Variants in MIGA1 observed in about 807,000 individuals in gnomAD.
The protein encoded by MIGA1 is mitoguardin 1.
Under a neutral mutation model 82.0 loss-of-function variants are expected in MIGA1, and 58 were observed. The ratio of observed to expected loss-of-function variants is 0.71; its 90% CI spans 0.57 to 0.88. MIGA1 has a LOEUF of 0.88. MIGA1 is among the 40% of genes least tolerant of loss of function. MIGA1 has a pLI of 0.00. For missense variants in MIGA1, 751 were observed against 749.1 expected, an observed-to-expected ratio of 1.00 and a Z score of -0.03; for synonymous variants, 249 against 253.6, an observed-to-expected ratio of 0.98 and a Z score of 0.17.
chr1:77,829,501 T>A (rs1684154302), intron 7 of MIGA1, among the ~76,000 whole-genome samples: 1 of 151,984 alleles, frequency 6.6e-6, no homozygotes, highest in South Asian at 2.1e-4. Context: ...CAGAGTCTCG[T>A]TCTGTCACCT....
intron 7 of MIGA1, among the ~76,000 whole-genome samples, chr1:77,818,522 A>T (rs1683667379): frequency 6.6e-6 from 1 of 152,170 alleles, no homozygotes. Flanking sequence ...ACATGGTAAC[A>T]AACAATAGTG....
chr1:77,787,252 G>A (rs1682203746), intron 2 of MIGA1, among the ~76,000 whole-genome samples: 1 of 152,178 alleles, frequency 6.6e-6, no homozygotes, highest in Middle Eastern at 3.2e-3. Flanking sequence ...TGGGGACACA[G>A]CCAAACCATA....
intron 7 of MIGA1, among the ~76,000 whole-genome samples, chr1:77,830,191 C>A (rs1020964004): frequency 4.6e-5 from 7 of 152,064 alleles, no homozygotes; most frequent in Non-Finnish European, 1.0e-4. Context: ...CAGCTGTAGG[C>A]AAATTTACAT....
intron 7 of MIGA1, among the ~76,000 whole-genome samples, chr1:77,829,221 A>G (rs1301809996): frequency 1.3e-5 from 2 of 152,056 alleles, no homozygotes; most frequent in Non-Finnish European, 2.9e-5. Context: ...AGAGTTTGAG[A>G]CCAGCCTGGG....
intron 15 of MIGA1, among the ~76,000 whole-genome samples, chr1:77,873,721 A>G (rs555087176): frequency 1.3e-5 from 2 of 152,356 alleles, no homozygotes; most frequent in East Asian, 3.9e-4. Context: ...GCTGCATTTC[A>G]AGGAGCAAAT....
chr1:77,812,934 G>A (rs1285331161), intron 5 of MIGA1, among the ~76,000 whole-genome samples: 1 of 152,102 alleles, frequency 6.6e-6, no homozygotes, highest in Non-Finnish European at 1.5e-5. Flanking sequence ...GACAAAAGGT[G>A]GAAAAGGCTT....
rs905839477 is a variant in MIGA1, at chr1:77,780,890, T to A, written c.81+1154T>A. On this transcript the variant is annotated intron_variant, in intron 1 of 15. Coordinates refer to ENST00000370791, the MANE Select transcript of MIGA1 (RefSeq NM_198549.4). ...AGAATGCAAAAATAGAGGTTTGTCA[T>A]AATATTTTTTCTTTTTTCTTTTTTT... Among the ~76,000 whole-genome samples the A allele has an allele frequency of 2.6e-5, 4 of 151,342 alleles. No homozygotes were observed. In the Admixed American group the frequency reaches 2.6e-4, roughly 10 times the overall value.
At chr1:77,801,728 T>C (rs1682892480) in intron 3 of MIGA1, among the ~76,000 whole-genome samples, 1 of 152,166 alleles carries the variant, frequency 6.6e-6, no homozygotes, top group Admixed American at 6.5e-5. Flanking sequence ...TGATAATACT[T>C]TCATGTATAT....
chr1:77,794,825 C>A (rs1438129551), intron 2 of MIGA1, among the ~76,000 whole-genome samples: 2 of 152,072 alleles, frequency 1.3e-5, no homozygotes, highest in Non-Finnish European at 2.9e-5. Context: ...ACACACACAC[C>A]CCTTGATCAT....
At position 77,869,954 on chromosome 1, in the gene MIGA1, G is replaced by T. The variant is rs61778861; in HGVS notation, c.1564-3050G>T. Among the ~76,000 whole-genome samples the T allele has an allele frequency of 5.2e-5, 7 of 134,216 alleles. No homozygotes were observed. The East Asian group carries it at 7.2e-4, about 14-fold the overall frequency. 88.1% of individuals were successfully genotyped at this position (134,216 alleles called of 152,430 possible). On this transcript the variant is annotated intron_variant, in intron 14 of 15. Coordinates refer to ENST00000370791, the MANE Select transcript of MIGA1 (RefSeq NM_198549.4). ...TCCCTCCCGGACGGGGCGGCTGGCC[G>T]GGCGGGGGGCTGACCCCCCCACCTC...
intron 5 of MIGA1, among the ~76,000 whole-genome samples, chr1:77,808,063 A>T (rs1242087917): frequency 1.4e-5 from 2 of 147,836 alleles, no homozygotes; most frequent in African/African-American, 2.5e-5. Context: ...CAGTTGATTT[A>T]CCCGCCTCGG....
At chr1:77,813,647 A>G (rs749240230) in intron 5 of MIGA1, 87 bp from the exon 6 acceptor site, 9 of 1,382,456 alleles carry the variant, frequency 6.5e-6, no homozygotes, top group Non-Finnish European at 9.1e-6. Flanking sequence ...GACATCAGTG[A>G]TAATGTATGA....
chr1:77,844,732 C>A (rs1243461522), intron 8 of MIGA1, among the ~76,000 whole-genome samples: 2 of 152,166 alleles, frequency 1.3e-5, no homozygotes, highest in Non-Finnish European at 2.9e-5. Context: ...TATCCCAGAA[C>A]TTTGGGAGGC....
intron 8 of MIGA1, chr1:77,848,039 C>T: frequency 1.6e-6 from 2 of 1,286,616 alleles, no homozygotes; most frequent in East Asian, 4.6e-5. Flanking sequence ...GTGCCAGACA[C>T]CACACGAAAG....
At chr1:77,802,206 TTAA>T (rs1682913873) in intron 3 of MIGA1, among the ~76,000 whole-genome samples, 1 of 152,214 alleles carries the variant, frequency 6.6e-6, no homozygotes, top group South Asian at 2.1e-4. Context: ...CAGCATACAA[TTAA>T]TGAGTGACTA....
At chr1:77,791,777 T>C (rs1272564015) in intron 2 of MIGA1, among the ~76,000 whole-genome samples, 1 of 151,968 alleles carries the variant, frequency 6.6e-6, no homozygotes, top group Non-Finnish European at 1.5e-5. Flanking sequence ...TTGGCCAGGC[T>C]GGTCTTGAAC....
At chr1:77,838,325 CTTATTTATTTAT>C (rs376304871) in intron 7 of MIGA1, among the ~76,000 whole-genome samples, 1 of 151,498 alleles carries the variant, frequency 6.6e-6, no homozygotes, top group Non-Finnish European at 1.5e-5. Context: ...TACCTTTTAG[CTTATTTATTTAT>C]TTATTTATTT....
At chr1:77,838,313 A>G (rs1684504280) in intron 7 of MIGA1, among the ~76,000 whole-genome samples, 1 of 151,966 alleles carries the variant, frequency 6.6e-6, no homozygotes, top group Non-Finnish European at 1.5e-5. Context: ...GCTCAGGCTA[A>G]TTACCTTTTA....
chr1:77,818,938 G>A (rs1279601861), intron 7 of MIGA1, among the ~76,000 whole-genome samples: 1 of 151,814 alleles, frequency 6.6e-6, no homozygotes, highest in Admixed American at 6.6e-5. Context: ...AAATTAGCTG[G>A]GCATGGTGGT....
Sources: gnomAD v4.1 joint callset for allele counts (sites outside exome capture counted in the v4.1 genomes callset) on GRCh38, gnomAD v4.1.1 for gene constraint, MANE v1.5 for transcripts, NCBI Gene and HGNC (gene_info 2026-07-23, HGNC 2026-07-21) for gene names.